Variants in C12orf42 observed in about 807,000 individuals in gnomAD.
The protein encoded by C12orf42 is uncharacterized protein C12orf42.
Under a neutral mutation model 21.6 loss-of-function variants are expected in C12orf42, and 25 were observed. The observed-to-expected ratio is 1.16, with a 90% CI of 0.84 to 1.62. The LOEUF is 1.62. Ranked by LOEUF, C12orf42 falls within the 40% of genes most tolerant of loss-of-function variation. C12orf42 has a pLI of 0.00. For synonymous variants in C12orf42, 174 were observed against 175.0 expected, an observed-to-expected ratio of 0.99 and a Z score of 0.05; for missense variants, 483 against 459.3, an observed-to-expected ratio of 1.05 and a Z score of -0.47.
intron 3 of C12orf42, among the ~76,000 whole-genome samples, chr12:103,387,543 A>G (rs2046715499): frequency 6.6e-6 from 1 of 152,220 alleles, no homozygotes; most frequent in Non-Finnish European, 1.5e-5. Flanking sequence ...CAAGGGGAAG[A>G]GGAGTGGGTT....
chr12:103,489,967 A>G (rs935314217), intron 1 of C12orf42, among the ~76,000 whole-genome samples: 11 of 152,208 alleles, frequency 7.2e-5, no homozygotes, highest in African/African-American at 2.4e-4. Context: ...CCACTGTCCA[A>G]CCAGTCCCAG....
the C12orf42 span, chr12:103,504,537 C>A: frequency 6.5e-6 from 1 of 152,944 alleles, no homozygotes; most frequent in South Asian, 2.0e-4. Flanking sequence ...TTGGAGCTGC[C>A]GAGTTTTGTC....
the C12orf42 span, among the ~76,000 whole-genome samples, chr12:103,219,139 G>A: frequency 1.3e-5 from 2 of 152,226 alleles, no homozygotes; most frequent in South Asian, 4.1e-4. Flanking sequence ...CACTCCCATG[G>A]AGGTCTTGAC....
At chr12:103,062,177 A>C in the C12orf42 span, among the ~76,000 whole-genome samples, 1 of 151,208 alleles carries the variant, frequency 6.6e-6, no homozygotes, top group Admixed American at 6.6e-5. Flanking sequence ...TTGTTCTATT[A>C]TTGTTTTATA....
intron 4 of C12orf42, among the ~76,000 whole-genome samples, chr12:103,336,500 A>T (rs555092970): frequency 1.3e-3 from 202 of 152,342 alleles, no homozygotes; most frequent in African/African-American, 4.6e-3. Context: ...AGAGGAAAAA[A>T]TAATTCCTAT....
At chr12:103,048,054 G>A in the C12orf42 span, among the ~76,000 whole-genome samples, 12 of 152,158 alleles carry the variant, frequency 7.9e-5, no homozygotes, top group African/African-American at 2.9e-4. Flanking sequence ...AAATAACTAG[G>A]GCAATTTTTA....
At chr12:103,068,217 G>C in the C12orf42 span, among the ~76,000 whole-genome samples, 1 of 152,096 alleles carries the variant, frequency 6.6e-6, no homozygotes, top group South Asian at 2.1e-4. Context: ...AAACATGTTT[G>C]TGCATATATA....
rs539732024 is a variant in C12orf42, at chr12:103,343,744, A to AG, written c.259+25142dup. Among the ~76,000 whole-genome samples, 416 of 150,310 alleles carry AG rather than the reference A, an allele frequency of 2.8e-3. 2 individuals are homozygous for AG. Among genetic ancestry groups the AG allele is most frequent in the African/African-American group, 9.4e-3 (384 of 40,942 alleles). On this transcript the variant is annotated intron_variant, in intron 4 of 5. Coordinates refer to ENST00000548883, the MANE Select transcript of C12orf42 (RefSeq NM_198521.5). ...AGCCAAGATCACACCATTGCACTCC[A>AG]GGTTGGGCAACAAGAGTGAAACTCT...
rs559160743 is a variant in C12orf42, at chr12:103,375,257, G to A, written c.148-6259C>T. The stretch of plus-strand genomic sequence containing the variant: ...TTTAAAATCAGAGTTATCCAAGACC[G>A]ATTTGAATGAAAATTTAAATCTTTT... On this transcript the variant is annotated intron_variant, in intron 3 of 5. Coordinates refer to ENST00000548883, the MANE Select transcript of C12orf42 (RefSeq NM_198521.5). Among the ~76,000 whole-genome samples, 51 of 152,236 alleles carry A rather than the reference G, an allele frequency of 3.4e-4. No homozygotes were observed. The South Asian group carries it at 0.01, about 30-fold the overall frequency.
At chr12:103,170,580 TA>T in the C12orf42 span, among the ~76,000 whole-genome samples, 75,110 of 150,156 alleles carry the variant, frequency 0.5, 18,906 homozygotes, top group East Asian at 0.67. Flanking sequence ...TATGATCCTT[TA>T]AAAAAAAAAG....
At chr12:103,294,590 AAG>A (rs1279734012) in intron 4 of C12orf42, among the ~76,000 whole-genome samples, 2 of 118,328 alleles carry the variant, frequency 1.7e-5, no homozygotes, top group African/African-American at 3.1e-5. Context: ...GAAGGAAAGA[AAG>A]AAAGAAAGAA....
chr12:103,145,216 T>C, the C12orf42 span, among the ~76,000 whole-genome samples: 1 of 152,218 alleles, frequency 6.6e-6, no homozygotes, highest in Admixed American at 6.5e-5. Context: ...TTATTTCTAA[T>C]TATGGCTACT....
intron 2 of C12orf42, among the ~76,000 whole-genome samples, chr12:103,426,946 C>A (rs914060864): frequency 1.3e-5 from 2 of 152,152 alleles, no homozygotes; most frequent in African/African-American, 2.4e-5. Flanking sequence ...CTTACAAGAG[C>A]TCCTAAAGGA....
chr12:103,388,123 C>A (rs1727347498), intron 3 of C12orf42, among the ~76,000 whole-genome samples: 1 of 152,202 alleles, frequency 6.6e-6, no homozygotes, highest in African/African-American at 2.4e-5. Flanking sequence ...CTCTGCCCCT[C>A]CAGCGTGGAG....
chr12:103,280,372 C>G (rs1215349609), intron 4 of C12orf42, among the ~76,000 whole-genome samples: 1 of 152,142 alleles, frequency 6.6e-6, no homozygotes, highest in East Asian at 1.9e-4. Flanking sequence ...AATCTCAGCA[C>G]TTTGGGAGGC....
intron 4 of C12orf42, among the ~76,000 whole-genome samples, chr12:103,295,578 A>G (rs1180715193): frequency 6.6e-6 from 1 of 152,168 alleles, no homozygotes; most frequent in Non-Finnish European, 1.5e-5. Flanking sequence ...TTATGGAATG[A>G]AGGTAAAGGA....
the C12orf42 span, among the ~76,000 whole-genome samples, chr12:103,066,222 A>C: frequency 6.6e-6 from 1 of 152,214 alleles, no homozygotes; most frequent in Non-Finnish European, 1.5e-5. Context: ...ACTGCCTATC[A>C]TAAACTGGGT....
At chr12:103,427,050 C>T (rs1949874835) in intron 2 of C12orf42, among the ~76,000 whole-genome samples, 1 of 152,106 alleles carries the variant, frequency 6.6e-6, no homozygotes, top group Admixed American at 6.6e-5. Flanking sequence ...ACTGTATCAA[C>T]TAACAGGCAA....
chr12:103,373,705 C>A (rs1457880007), intron 3 of C12orf42, among the ~76,000 whole-genome samples: 1 of 152,190 alleles, frequency 6.6e-6, no homozygotes, highest in Admixed American at 6.5e-5. Flanking sequence ...GTGTAGGTTT[C>A]TTCAACAGCC....
Sources: gnomAD v4.1 joint callset for allele counts (sites outside exome capture counted in the v4.1 genomes callset) on GRCh38, gnomAD v4.1.1 for gene constraint, MANE v1.5 for transcripts, NCBI Gene and HGNC (gene_info 2026-07-23, HGNC 2026-07-21) for gene names.